The following CCSER1 variants were observed in gnomAD, a reference collection of about 807,000 sequenced individuals.
The protein encoded by CCSER1 is coiled-coil serine rich protein 1, also known as serine-rich coiled-coil domain-containing protein 1.
A neutral mutation model predicts 82.0 loss-of-function variants in CCSER1; 41 were observed. That is an observed-to-expected ratio of 0.50 (90% confidence interval 0.39 to 0.65). CCSER1 has a LOEUF of 0.65. Among genes scored for constraint, CCSER1 ranks in the 30% least tolerant of loss-of-function variants. The probability of loss-of-function intolerance (pLI) is 0.00; values close to 1 mark genes in which losing one functional copy is unlikely to be tolerated. For missense variants in CCSER1, 1,119 were observed against 1,064.2 expected (o/e 1.05, Z -0.72); for synonymous variants, 414 against 383.9 (o/e 1.08, Z -0.92).
chr4:90,616,340 T>G, intron 5 of CCSER1, among the ~76,000 whole-genome samples: 1 of 152,210 alleles, frequency 6.6e-6, no homozygotes, highest in Non-Finnish European at 1.5e-5. Context: ...TTGGTTAAAA[T>G]TTCCAGTATG....
chr4:90,840,831 G>T (rs1762484289), intron 8 of CCSER1, among the ~76,000 whole-genome samples: 1 of 151,960 alleles, frequency 6.6e-6, no homozygotes, highest in East Asian at 1.9e-4. Flanking sequence ...TCTCATCAGA[G>T]AGTAAATTCT....
intron 10 of CCSER1, among the ~76,000 whole-genome samples, chr4:91,551,689 A>AATACGTATTGATTTTC (rs1560757464): frequency 6.8e-6 from 1 of 147,080 alleles, no homozygotes; most frequent in African/African-American, 2.5e-5. Flanking sequence ...ACACACACAC[A>AATACGTATTGATTTTC]CACACACACA....
intron 10 of CCSER1, among the ~76,000 whole-genome samples, chr4:91,465,253 T>C (rs191150843): frequency 1.5e-4 from 23 of 152,062 alleles, no homozygotes; most frequent in African/African-American, 5.3e-4. Flanking sequence ...TCCTGAATGA[T>C]TACTGGGTAT....
chr4:90,850,785 C>T (rs921113338), intron 8 of CCSER1, among the ~76,000 whole-genome samples: 11 of 152,240 alleles, frequency 7.2e-5, no homozygotes, highest in African/African-American at 2.2e-4. Context: ...TGGGTTAATG[C>T]TGGAATGAGT....
In CCSER1 at chr4:90,768,065, A is replaced by G. The variant is rs1056817101; in HGVS notation, c.2010+44074A>G. On this transcript the variant is annotated intron_variant, in intron 7 of 10. Transcript: ENST00000509176. ...TTCCTCCCCTGTTGACTTGCTCCACATGAATAGAATATGGAAGAAATAAGT... is the reference window on the plus strand; with the variant it reads ...TTCCTCCCCTGTTGACTTGCTCCACGTGAATAGAATATGGAAGAAATAAGT... Among the ~76,000 whole-genome samples the G allele has an allele frequency of 3.9e-5, 6 of 152,226 alleles. No individual in the cohort carries two copies. In the East Asian group the frequency reaches 9.6e-4, roughly 24 times the overall value.
intron 9 of CCSER1, among the ~76,000 whole-genome samples, chr4:91,030,774 A>G (rs1740910838): frequency 6.6e-6 from 1 of 151,786 alleles, no homozygotes; most frequent in Non-Finnish European, 1.5e-5. Context: ...AAATTAATTC[A>G]TCTCTTTTTT....
intron 5 of CCSER1, among the ~76,000 whole-genome samples, chr4:90,619,867 C>T (rs1293409028): frequency 6.6e-6 from 1 of 151,976 alleles, no homozygotes. Context: ...GTGAAATGCT[C>T]CTTAACCTGG....
At chr4:91,148,065 C>A (rs1729722131) in intron 10 of CCSER1, among the ~76,000 whole-genome samples, 1 of 152,080 alleles carries the variant, frequency 6.6e-6, no homozygotes, top group African/African-American at 2.4e-5. Context: ...GATAGGTTGA[C>A]TAGAGTAGTA....
chr4:91,190,624 G>A (rs1025803358), intron 10 of CCSER1, among the ~76,000 whole-genome samples: 4 of 152,104 alleles, frequency 2.6e-5, no homozygotes, highest in Non-Finnish European at 5.9e-5. Context: ...CAAAGCTAAG[G>A]AATGACCTCT....
At chr4:91,006,512 C>G (rs929979580) in intron 9 of CCSER1, among the ~76,000 whole-genome samples, 5 of 147,872 alleles carry the variant, frequency 3.4e-5, no homozygotes, top group African/African-American at 5.0e-5. Flanking sequence ...TTTTCTTAGA[C>G]GGAGTCTCGC....
intron 1 of CCSER1, among the ~76,000 whole-genome samples, chr4:90,172,262 A>T (rs1242632094): frequency 6.6e-6 from 1 of 151,952 alleles, no homozygotes; most frequent in East Asian, 1.9e-4. Context: ...TAGAGGAGTT[A>T]AGAATTGAGT....
rs34348706 is a variant in CCSER1 at position 91,105,406 on chromosome 4, CAA to C, written c.2217+19426_2217+19427del. Among the ~76,000 whole-genome samples, 19 of 147,348 alleles carry C rather than the reference CAA, an allele frequency of 1.3e-4. 1 individual carries two copies. The highest frequency in any genetic ancestry group is 4.3e-4 in the South Asian group (2 of 4,606). On this transcript the variant is annotated intron_variant, in intron 10 of 10. Transcript: ENST00000509176. ...TCAAATTCCAACCACTAACAGTAAA[CAA>C]AAAAAAAAAAAAATAGGCCAGGCAC... is the stretch of plus-strand genomic sequence containing the variant.
At chr4:90,772,356 A>T (rs978208150) in intron 7 of CCSER1, among the ~76,000 whole-genome samples, 1 of 152,090 alleles carries the variant, frequency 6.6e-6, no homozygotes, top group Non-Finnish European at 1.5e-5. Flanking sequence ...AAAAATTGAG[A>T]CCAGTTTTTG....
intron 1 of CCSER1, among the ~76,000 whole-genome samples, chr4:90,189,529 T>C (rs1216612179): frequency 6.6e-6 from 1 of 151,906 alleles, no homozygotes; most frequent in Admixed American, 6.6e-5. Context: ...TGTGTGTATG[T>C]ATGTATATAT....
chr4:91,191,059 A>G lies in CCSER1; in HGVS notation c.2217+105065A>G, dbSNP rs115269005. Among the ~76,000 whole-genome samples the G allele has an allele frequency of 9.7e-3, 1,478 of 152,292 alleles. 19 individuals carry two copies. Among genetic ancestry groups the G allele is most frequent in the African/African-American group, 0.033 (1,353 of 41,568 alleles). ...TAACATTTTAATTTGGATAGTATGTAATGTCTAATACTTAATAGTATTGTT... is the reference window on the plus strand; with the variant it reads ...TAACATTTTAATTTGGATAGTATGTGATGTCTAATACTTAATAGTATTGTT... On this transcript the variant is annotated intron_variant, in intron 10 of 10. Transcript: ENST00000509176.
At chr4:91,577,645 A>T (rs1763513806) in intron 10 of CCSER1, among the ~76,000 whole-genome samples, 1 of 151,996 alleles carries the variant, frequency 6.6e-6, no homozygotes, top group Non-Finnish European at 1.5e-5. Flanking sequence ...AATCTGATGT[A>T]ACACTCCGTT....
intron 10 of CCSER1, among the ~76,000 whole-genome samples, chr4:91,204,418 G>T (rs560738697): frequency 2.6e-5 from 4 of 151,772 alleles, no homozygotes; most frequent in African/African-American, 4.8e-5. Context: ...TTTGCTATAT[G>T]TTCTGGAGTT....
chr4:90,411,703 A>T (rs1217273494), intron 4 of CCSER1, among the ~76,000 whole-genome samples: 1 of 152,212 alleles, frequency 6.6e-6, no homozygotes, highest in Admixed American at 6.5e-5. Context: ...TCCCTTTGAA[A>T]ACTGGCACAA....
chr4:90,651,010 A>C (rs957147685), intron 6 of CCSER1, among the ~76,000 whole-genome samples: 9 of 152,190 alleles, frequency 5.9e-5, no homozygotes, highest in South Asian at 2.1e-4. Flanking sequence ...AAGTTATTTA[A>C]TGTCTTCAAT....
Sources: allele counts gnomAD v4.1 joint callset (sites outside exome capture counted in the v4.1 genomes callset), GRCh38; gene constraint gnomAD v4.1.1; transcripts MANE v1.5; gene names NCBI Gene and HGNC (gene_info 2026-07-23, HGNC 2026-07-21).